The following PPP1R37 variants were observed in gnomAD, a reference collection of about 807,000 sequenced individuals.
PPP1R37 encodes leucine rich repeat containing 68.
PPP1R37 carries 21 observed loss-of-function variants against 61.0 expected under a neutral mutation model. The ratio of observed to expected loss-of-function variants is 0.34; its 90% confidence interval spans 0.24 to 0.50. The LOEUF is 0.50. Ranked by LOEUF, PPP1R37 falls within the 20% of genes least tolerant of loss-of-function variation. The pLI, the probability that PPP1R37 is intolerant of heterozygous loss-of-function variation, is 0.98. For synonymous variants in PPP1R37, 443 were observed against 433.5 expected (o/e 1.02, Z -0.27); for missense variants, 910 against 952.7 (o/e 0.96, Z 0.59).
chr19:45,127,974 CAAAAAA>C (rs35001139), intron 1 of PPP1R37, among the ~76,000 whole-genome samples: 77 of 61,894 alleles, frequency 1.2e-3, no homozygotes, highest in African/African-American at 3.6e-3. Flanking sequence ...GACTCCATCT[CAAAAAA>C]AAAAAAAAAA....
In PPP1R37 at chr19:45,141,830, A is replaced by AG. The variant is rs1858690836; in HGVS notation, c.568-230dup. On this transcript the variant is annotated intron_variant, in intron 5 of 12. Transcript: ENST00000221462. ...GGAGTTGGAGATCCTGGCTGCCACC[A>AG]GCCCTGCCTCGCTCACCCACAGGAC... Among the ~76,000 whole-genome samples, 3 of 152,216 alleles carry AG rather than the reference A, an allele frequency of 2.0e-5. No individual in the cohort carries two copies. In the South Asian group the frequency reaches 6.2e-4, roughly 32 times the overall value.
Position 45,121,437 on chromosome 19 carries a change from T to C in PPP1R37, c.203-17077T>C, listed in dbSNP as rs1968341274. Among the ~76,000 whole-genome samples, 1 of 152,198 alleles carries C rather than the reference T, an allele frequency of 6.6e-6. No homozygotes were observed. The highest frequency in any genetic ancestry group is 1.5e-5 in the Non-Finnish European group (1 of 68,040). On this transcript the variant is annotated intron_variant, in intron 1 of 12. Transcript: ENST00000221462. This position sits in a 1 kb window ranked among gnomAD's most constrained non-coding sequence, Gnocchi z 4.2. Reference sequence around the variant, plus strand: ...GTAGCAAGGGAATGTGTGGGGAGGATGTCACCAGGCAGGAGGACAGCTGGG... The same window carrying C: ...GTAGCAAGGGAATGTGTGGGGAGGACGTCACCAGGCAGGAGGACAGCTGGG...
At chr19:45,110,069 G>A (rs995302961) in intron 1 of PPP1R37, among the ~76,000 whole-genome samples, 3 of 151,868 alleles carry the variant, frequency 2.0e-5, no homozygotes, top group African/African-American at 7.3e-5. Context: ...GCCTGGCATA[G>A]AATAGACAAC....
At chr19:45,137,564 C>G (rs1328963723) in intron 1 of PPP1R37, among the ~76,000 whole-genome samples, 2 of 152,156 alleles carry the variant, frequency 1.3e-5, no homozygotes, top group African/African-American at 4.8e-5. Context: ...CCTGGGAACA[C>G]CCGGGACCAG....
intron 1 of PPP1R37, among the ~76,000 whole-genome samples, chr19:45,123,939 G>T (rs924569213): frequency 6.6e-5 from 10 of 151,646 alleles, no homozygotes; most frequent in African/African-American, 2.4e-4. Flanking sequence ...TACCTTCAGG[G>T]TCTACTGCAG....
intron 1 of PPP1R37, among the ~76,000 whole-genome samples, chr19:45,100,661 G>A (rs541580070): frequency 1.3e-5 from 2 of 152,170 alleles, no homozygotes; most frequent in Non-Finnish European, 1.5e-5. Context: ...GGACGCATTC[G>A]GTGCAACGTG....
intron 1 of PPP1R37, among the ~76,000 whole-genome samples, chr19:45,137,302 A>G (rs1337926972): frequency 3.3e-5 from 5 of 152,226 alleles, no homozygotes; most frequent in South Asian, 2.1e-4. Flanking sequence ...AGCACATCCT[A>G]TAATTACTCT....
rs1399310245 is a variant in PPP1R37 at position 45,130,450 on chromosome 19, G to T, written c.203-8064G>T. On this transcript the variant is annotated intron_variant, in intron 1 of 12. Transcript: ENST00000221462. The surrounding 1 kb of genome is among the most constrained non-coding windows in gnomAD (Gnocchi z 4.4). Reference sequence around the variant, plus strand: ...CCCGGTGTGCTTTGGCGCCGAGCCTGCTCCCACCGTCACACTTAAGCCTGC... The same window carrying T: ...CCCGGTGTGCTTTGGCGCCGAGCCTTCTCCCACCGTCACACTTAAGCCTGC... Among the ~76,000 whole-genome samples the T allele has an allele frequency of 6.6e-6, 1 of 152,094 alleles. No homozygotes were observed. Among genetic ancestry groups the T allele is most frequent in the Non-Finnish European group, 1.5e-5 (1 of 68,012 alleles).
At position 45,130,669 on chromosome 19, in the gene PPP1R37, G is replaced by C. The variant is rs755879951; in HGVS notation, c.203-7845G>C. 6.6e-5 allele frequency among the ~76,000 whole-genome samples: 10 copies of C among 152,148 alleles called. No homozygotes were observed. The highest frequency in any genetic ancestry group is 1.0e-4 in the Non-Finnish European group (7 of 68,028). Reference sequence around the variant, plus strand: ...GCAAAGCGTGGTTATTCTGAGCCTGGTTGCCATCACAGTCATATGGGGACC... The same window carrying C: ...GCAAAGCGTGGTTATTCTGAGCCTGCTTGCCATCACAGTCATATGGGGACC... On this transcript the variant is annotated intron_variant, in intron 1 of 12. Coordinates refer to ENST00000221462, the MANE Select transcript of PPP1R37 (RefSeq NM_019121.2). The surrounding 1 kb of genome is among the most constrained non-coding windows in gnomAD (Gnocchi z 4.4).
chr19:45,143,663 C>A (rs1364224067), intron 8 of PPP1R37, 30 bp downstream of exon 8: 1 of 1,367,950 alleles, frequency 7.3e-7, no homozygotes. Flanking sequence ...AAGGGAGGCA[C>A]CTCGGTCCCC....
chr19:45,128,622 C>G lies in PPP1R37; in HGVS notation c.203-9892C>G. 4.0e-6 allele frequency: 5 copies of G among 1,265,646 alleles called. No homozygotes were observed. In the South Asian group the frequency reaches 6.0e-5, roughly 15 times the overall value. The allele number at this position is 1,265,646 out of a possible 1,614,324, so 78.4% of individuals were successfully genotyped here. ...AGATGCAGGGGCCTCGGCCTCCTTCCCAATGCAGTGCTCAGCATTATGTAA... is the reference window on the plus strand; with the variant it reads ...AGATGCAGGGGCCTCGGCCTCCTTCGCAATGCAGTGCTCAGCATTATGTAA... On this transcript the variant is annotated intron_variant, in intron 1 of 12. Transcript: ENST00000221462.
intron 1 of PPP1R37, among the ~76,000 whole-genome samples, chr19:45,117,793 G>A (rs562633280): frequency 5.3e-5 from 8 of 152,338 alleles, no homozygotes; most frequent in Non-Finnish European, 1.0e-4. Context: ...GAATGAGGCC[G>A]CAGAGTTAGT....
At chr19:45,122,028 G>T (rs562507611) in intron 1 of PPP1R37, among the ~76,000 whole-genome samples, 37 of 152,288 alleles carry the variant, frequency 2.4e-4, no homozygotes, top group Non-Finnish European at 3.7e-4. Flanking sequence ...GGGGTGTGGG[G>T]TTCCCACAGA....
At chr19:45,132,139 C>A (rs1202754875) in intron 1 of PPP1R37, among the ~76,000 whole-genome samples, 1 of 152,174 alleles carries the variant, frequency 6.6e-6, no homozygotes, top group South Asian at 2.1e-4. Context: ...CTGGTCCCTG[C>A]TTAATGGGCC....
In PPP1R37 at chr19:45,145,588, C is replaced by T. The variant is rs1400599286; in HGVS notation, c.1532C>T (p.Ser511Leu). The change falls in exon 11 of 13, where the codon TCG becomes TTG. Residue 511 changes from serine (S) to leucine (L), a missense_variant. Ser to Leu is a moderately radical substitution (Grantham distance 145). Around this residue, in one of 3 missense-constraint regions of PPP1R37, gnomAD observed 549 missense variants for 505.1 expected, o/e 1.09. Transcript: ENST00000221462. ...PSPDSDSDSD[S>L]DGEEEEEEEG... ...CCGGACTCAGACTCAGACTCGGACT[C>T]GGATGGGGAGGAAGAGGAGGAAGAG... 5 of 1,535,798 alleles carry T rather than the reference C, an allele frequency of 3.3e-6. No homozygotes were observed. The highest frequency in any genetic ancestry group is 2.0e-5 in the Admixed American group (1 of 50,972).
chr19:45,108,620 GT>G, intron 1 of PPP1R37: 1 of 144,418 alleles, frequency 6.9e-6, no homozygotes, highest in East Asian at 2.1e-4. Context: ...CTTCGGTTTT[GT>G]TTGTTTGTTT....
chr19:45,137,844 AAAAC>A (rs1000955183), intron 1 of PPP1R37, among the ~76,000 whole-genome samples: 16 of 151,894 alleles, frequency 1.1e-4, no homozygotes, highest in Admixed American at 2.6e-4. Context: ...AAAAAAAAAA[AAAAC>A]AAACCAAGGA....
intron 1 of PPP1R37, among the ~76,000 whole-genome samples, chr19:45,095,758 TAAAAAA>T (rs371559844): frequency 0.013 from 1,532 of 117,106 alleles, 25 homozygotes; most frequent in African/African-American, 0.046. Context: ...GACCCGGTCT[TAAAAAA>T]AAAAAAAAAA....
intron 8 of PPP1R37, 69 bp from the exon 9 acceptor site, chr19:45,144,785 C>A: frequency 7.3e-7 from 1 of 1,362,474 alleles, no homozygotes. Flanking sequence ...GGCTTCTTTC[C>A]TGACTTGGCC....
Sources: gnomAD v4.1 joint callset for allele counts (sites outside exome capture counted in the v4.1 genomes callset) on GRCh38, gnomAD v4.1.1 for gene constraint, gnomAD v4.1.1 regional missense constraint, Gnocchi (gnomAD v3.1) non-coding constraint, MANE v1.5 for transcripts, NCBI Gene and HGNC (gene_info 2026-07-23, HGNC 2026-07-21) for gene names.